Variants in CSRNP1 observed in about 807,000 individuals in gnomAD.
CSRNP1 encodes cysteine and serine rich nuclear protein 1.
CSRNP1 carries 8 observed loss-of-function variants against 25.0 expected under a neutral mutation model. The ratio of observed to expected loss-of-function variants is 0.32; its 90% CI spans 0.19 to 0.58. CSRNP1 has a LOEUF of 0.58. Ranked by LOEUF, CSRNP1 falls within the 20% of genes least tolerant of loss-of-function variation. The pLI, the probability that CSRNP1 is intolerant of heterozygous loss-of-function variation, is 0.88. For missense variants in CSRNP1, 691 were observed against 773.1 expected (o/e 0.89, Z 1.26); for synonymous variants, 305 against 303.1 (o/e 1.01, Z -0.06).
In CSRNP1 at chr3:39,142,929, G is replaced by C; in HGVS notation, c.*126C>G. ...ATCCAGAGAATTGTTTGAAAACCAG[G>C]AGTGTGCACATGGCACCTGTGGGTG... On this transcript the variant is annotated 3_prime_UTR_variant, in exon 5 of 5. Transcript: ENST00000273153. 9.7e-7 allele frequency: 1 copy of C among 1,028,276 alleles called. No individual in the cohort carries two copies. Among genetic ancestry groups the C allele is most frequent in the Non-Finnish European group, 1.4e-6 (1 of 701,116 alleles). 63.7% of individuals were successfully genotyped at this position (1,028,276 alleles called of 1,614,324 possible).
chr3:39,152,569 G>C (rs2039597571), intron 1 of CSRNP1: 1 of 154,352 alleles, frequency 6.5e-6, no homozygotes, highest in Non-Finnish European at 1.5e-5. Flanking sequence ...TGGAGGTGCT[G>C]GGTGGGCAGC....
upstream of CSRNP1, chr3:39,153,612 G>T (rs1368343588): frequency 6.6e-6 from 1 of 151,542 alleles, no homozygotes; most frequent in Non-Finnish European, 1.5e-5. Context: ...AGCCCCGCCC[G>T]CCGCTCCGCC....
At position 39,143,395 on chromosome 3, in the gene CSRNP1, C is replaced by T. The variant is rs755131354; in HGVS notation, c.1430G>A (p.Ser477Asn). The T allele has an allele frequency of 1.7e-5, 28 of 1,614,040 alleles. No homozygotes were observed. The highest frequency in any genetic ancestry group is 2.2e-5 in the Non-Finnish European group (26 of 1,180,006). Residue 477 changes from serine (S) to asparagine (N), a missense_variant, in exon 5 of 5, where the codon AGC becomes AAC. Ser to Asn is a conservative substitution (Grantham distance 46). Coordinates refer to ENST00000273153, the MANE Select transcript of CSRNP1 (RefSeq NM_033027.4). ...NGGLEGSREGSLPGTSVPPSM... is the reference protein window; with the variant it reads ...NGGLEGSREGNLPGTSVPPSM... ...GGGTGGCACTGAGGTGCCAGGAAGGCTGCCTTCCCTTGACCCTTCAAGGCC... is the reference window on the plus strand; with the variant it reads ...GGGTGGCACTGAGGTGCCAGGAAGGTTGCCTTCCCTTGACCCTTCAAGGCC...
In CSRNP1 at chr3:39,144,431, G is replaced by C; in HGVS notation, c.486C>G (p.Pro162=). The change falls in exon 4 of 5, where the codon CCC becomes CCG. Residue 162 remains proline, a synonymous_variant. Transcript: ENST00000273153. ...LQWKLSAAGV[P]QAEAGLPPVV... ...CAGGTGGCAGCCCTGCCTCTGCCTG[G>C]GGTACCCCAGCTGCCGAAAGCTGCA... The C allele has an allele frequency of 6.2e-7, 1 of 1,606,740 alleles. No homozygotes were observed. The highest frequency in any genetic ancestry group is 8.5e-7 in the Non-Finnish European group (1 of 1,175,602).
intron 2 of CSRNP1, 104 bp from the exon 3 acceptor site, chr3:39,145,360 T>G (rs2039494255): frequency 1.5e-6 from 2 of 1,311,204 alleles, no homozygotes; most frequent in Non-Finnish European, 2.1e-6. Flanking sequence ...ACCTTTTCCC[T>G]CCTCCCTCTC....
chr3:39,153,195 T>A (rs2039608462), intron 1 of CSRNP1: 1 of 151,962 alleles, frequency 6.6e-6, no homozygotes, highest in Admixed American at 6.6e-5. Flanking sequence ...GAGCCGTGAC[T>A]TCTCTCGGGG....
At chr3:39,144,067 A>T in intron 4 of CSRNP1, 23 bp from the exon 5 acceptor site, 1 of 1,608,000 alleles carries the variant, frequency 6.2e-7, no homozygotes, top group South Asian at 1.1e-5. Context: ...GTAGAGGTAC[A>T]AGTGAGGGTT....
At position 39,144,424 on chromosome 3, in the gene CSRNP1, C is replaced by T; in HGVS notation, c.493G>A (p.Glu165Lys). ...KLSAAGVPQA[E>K]AGLPPVVDAI... ...TCCACCACAGGTGGCAGCCCTGCCT[C>T]TGCCTGGGGTACCCCAGCTGCCGAA... Residue 165 changes from glutamate (E) to lysine (K), a missense_variant, in exon 4 of 5, where the codon GAG (glutamate) becomes AAG (lysine). Physicochemically the swap from Glu to Lys is moderately conservative, Grantham distance 56 (BLOSUM62 1). Transcript: ENST00000273153. 6.2e-7 allele frequency: 1 copy of T among 1,609,154 alleles called. No individual in the cohort carries two copies. Among genetic ancestry groups the T allele is most frequent in the Non-Finnish European group, 8.5e-7 (1 of 1,176,956 alleles).
chr3:39,151,645 C>T (rs1347111835), intron 1 of CSRNP1: 3 of 152,552 alleles, frequency 2.0e-5, no homozygotes, highest in Admixed American at 6.5e-5. Context: ...CCCCAAAACA[C>T]TTGGGGTCAC....
rs1013491466 is a variant in CSRNP1 at position 39,146,576 on chromosome 3, C to T, written c.107G>A (p.Ser36Asn). The T allele has an allele frequency of 1.3e-6, 2 of 1,558,034 alleles. No individual in the cohort carries two copies. The highest frequency in any genetic ancestry group is 1.7e-6 in the Non-Finnish European group (2 of 1,150,506). The part of the protein sequence containing the change: ...SGCQSRSCSP[S>N]SSVSRAWDSE... ...GTCCCAGGCACGGGAGACAGAAGAG[C>T]TTGGGGAGCAGGAGCGAGACTGGCA... The change falls in exon 2 of 5, where the codon AGC (serine) becomes AAC (asparagine). Residue 36 changes from serine (S) to asparagine (N), a missense_variant. Coordinates refer to ENST00000273153, the MANE Select transcript of CSRNP1 (RefSeq NM_033027.4).
chr3:39,145,064 G>A lies in CSRNP1; in HGVS notation c.398C>T (p.Ala133Val), dbSNP rs768372949. The A allele has an allele frequency of 6.2e-7, 1 of 1,614,268 alleles. No individual in the cohort carries two copies. Among genetic ancestry groups the A allele is most frequent in the Non-Finnish European group, 8.5e-7 (1 of 1,180,040 alleles). The part of the protein sequence containing the change: ...FSLAEFAQEQ[A>V]RARHEKLRQR... ...GCGGAGCTTCTCGTGCCGTGCACGGGCTTGCTCCTGCGCAAACTCAGCCAA... is the reference window on the plus strand; with the variant it reads ...GCGGAGCTTCTCGTGCCGTGCACGGACTTGCTCCTGCGCAAACTCAGCCAA... Residue 133 changes from alanine to valine, a missense_variant, in exon 3 of 5, where the codon GCC (alanine) becomes GTC (valine). Physicochemically the swap from Ala to Val is moderately conservative, Grantham distance 64. Coordinates refer to ENST00000273153, the MANE Select transcript of CSRNP1 (RefSeq NM_033027.4).
intron 1 of CSRNP1, among the ~76,000 whole-genome samples, chr3:39,147,853 C>G (rs2039537987): frequency 6.6e-6 from 1 of 152,104 alleles, no homozygotes; most frequent in Non-Finnish European, 1.5e-5. Context: ...TCCAGCTGGG[C>G]CTTCGGGGAG....
chr3:39,149,130 AAAT>A (rs1304433745), intron 1 of CSRNP1: 83 of 152,152 alleles, frequency 5.5e-4, no homozygotes, highest in African/African-American at 1.9e-3. Flanking sequence ...AAAAAAAAAA[AAAT>A]GAGCTCCAGC....
intron 4 of CSRNP1, 21 bp from the exon 5 acceptor site, chr3:39,144,065 A>G (rs2039464725): frequency 1.2e-6 from 2 of 1,608,214 alleles, no homozygotes; most frequent in African/African-American, 1.3e-5. Flanking sequence ...AAGTAGAGGT[A>G]CAAGTGAGGG....
At chr3:39,144,942 G>A in intron 3 of CSRNP1, 55 bp downstream of exon 3, 1 of 1,547,974 alleles carries the variant, frequency 6.5e-7, no homozygotes. Context: ...ACCCCTCAAG[G>A]TTAGGACTCC....
chr3:39,144,068 A>G, intron 4 of CSRNP1, 24 bp from the exon 5 acceptor site: 1 of 1,608,014 alleles, frequency 6.2e-7, no homozygotes, highest in Non-Finnish European at 8.5e-7. Flanking sequence ...TAGAGGTACA[A>G]GTGAGGGTTC....
Position 39,144,466 on chromosome 3 carries a change from A to C in CSRNP1, c.466-15T>G. The C allele has an allele frequency of 6.3e-7, 1 of 1,589,128 alleles. No homozygotes were observed. The highest frequency in any genetic ancestry group is 8.6e-7 in the Non-Finnish European group (1 of 1,168,678). Reference sequence around the variant, plus strand: ...GCTGCCGAAAGCTGCATCCACAGGAAAGAGGGATGTAAGAAGCACAGACAT... The same window carrying C: ...GCTGCCGAAAGCTGCATCCACAGGACAGAGGGATGTAAGAAGCACAGACAT... On this transcript the variant is annotated splice_polypyrimidine_tract_variant and intron_variant, in intron 3 of 4. Coordinates refer to ENST00000273153, the MANE Select transcript of CSRNP1 (RefSeq NM_033027.4).
At chr3:39,144,920 C>A (rs1265559448) in intron 3 of CSRNP1, 77 bp downstream of exon 3, 4 of 1,489,748 alleles carry the variant, frequency 2.7e-6, no homozygotes, top group Non-Finnish European at 3.6e-6. Flanking sequence ...AGCACCCACC[C>A]CTGGTACGCC....
chr3:39,143,375 G>C lies in CSRNP1; in HGVS notation c.1450C>G (p.Pro484Ala), dbSNP rs371134715. ...CTCCGGCCAGCGTCCATGCTGGGTG[G>C]CACTGAGGTGCCAGGAAGGCTGCCT... ...REGSLPGTSV[P>A]PSMDAGRSSS... Residue 484 changes from proline to alanine, a missense_variant, in exon 5 of 5, where the codon CCA becomes GCA. Pro to Ala is a conservative substitution (Grantham distance 27, BLOSUM62 -1). Coordinates refer to ENST00000273153, the MANE Select transcript of CSRNP1 (RefSeq NM_033027.4). 1.1e-5 allele frequency: 18 copies of C among 1,614,184 alleles called. No homozygotes were observed. The highest frequency in any genetic ancestry group is 1.5e-5 in the Non-Finnish European group (18 of 1,180,016).
Sources: allele counts gnomAD v4.1 joint callset (sites outside exome capture counted in the v4.1 genomes callset), GRCh38; gene constraint gnomAD v4.1.1; transcripts MANE v1.5; gene names NCBI Gene and HGNC (gene_info 2026-07-23, HGNC 2026-07-21).